AGBL1: variants seen among roughly 807,000 people sequenced by gnomAD.
AGBL1 encodes AGBL carboxypeptidase 1.
Under a neutral mutation model 118.9 loss-of-function variants are expected in AGBL1, and 130 were observed. That is an observed-to-expected ratio of 1.09 (90% CI 0.95 to 1.26). AGBL1 has a LOEUF of 1.26. Ranked by LOEUF, AGBL1 falls within the 50% of genes most tolerant of loss-of-function variation. The pLI is 0.00. For missense variants in AGBL1, 1,584 were observed against 1,298.1 expected, an observed-to-expected ratio of 1.22 and a Z score of -3.38; for synonymous variants, 555 against 478.9, an observed-to-expected ratio of 1.16 and a Z score of -2.08.
At chr15:86,165,305 T>C (rs2077324757) in intron 5 of AGBL1, among the ~76,000 whole-genome samples, 1 of 152,184 alleles carries the variant, frequency 6.6e-6, no homozygotes, top group Non-Finnish European at 1.5e-5. Flanking sequence ...CATTGCTTTA[T>C]TGGCAGCCCT....
At chr15:86,546,656 T>TA (rs1288500229) in intron 20 of AGBL1, among the ~76,000 whole-genome samples, 1 of 152,192 alleles carries the variant, frequency 6.6e-6, no homozygotes, top group East Asian at 1.9e-4. Flanking sequence ...GAGAATTCTA[T>TA]AAAAAGCAGA....
chr15:86,629,476 T>A (rs2084933708), intron 21 of AGBL1, among the ~76,000 whole-genome samples: 1 of 152,304 alleles, frequency 6.6e-6, no homozygotes, highest in South Asian at 2.1e-4. Context: ...AGCTTTATCA[T>A]CTTGCTTATA....
chr15:86,907,525 G>A lies in AGBL1; in HGVS notation c.*231G>A, dbSNP rs573713540. ...TAGGTAGCCCTTGGGGCCTATGCAA[G>A]CTGCTATTGTACTTAGAATGGGACC... On this transcript the variant is annotated 3_prime_UTR_variant, in exon 23 of 23. Transcript: ENST00000614907. 1 of 152,250 alleles carries A rather than the reference G, an allele frequency of 6.6e-6. No homozygotes were observed. The highest frequency in any genetic ancestry group is 2.1e-4 in the South Asian group (1 of 4,816). 9.4% of individuals were successfully genotyped at this position (152,250 alleles called of 1,614,324 possible). A position where few individuals can be genotyped will look rare whatever the true frequency, so the allele number is the denominator to read the frequency against.
chr15:86,294,549 C>T (rs777565884), intron 16 of AGBL1, among the ~76,000 whole-genome samples: 1 of 151,262 alleles, frequency 6.6e-6, no homozygotes, highest in African/African-American at 2.4e-5. Flanking sequence ...GCTTAGCAGT[C>T]CCCCTGGATT....
At chr15:86,407,357 C>G (rs2081544151) in intron 18 of AGBL1, among the ~76,000 whole-genome samples, 1 of 152,138 alleles carries the variant, frequency 6.6e-6, no homozygotes, top group Non-Finnish European at 1.5e-5. Flanking sequence ...GTTCTTTTCA[C>G]TAGGGTTATA....
chr15:86,145,873 G>A (rs140637509), intron 3 of AGBL1, among the ~76,000 whole-genome samples: 3 of 152,296 alleles, frequency 2.0e-5, no homozygotes, highest in Non-Finnish European at 2.9e-5. Context: ...ACTATGATGA[G>A]GGCTGTAAGA....
At chr15:86,605,501 T>C (rs1205662926) in intron 21 of AGBL1, among the ~76,000 whole-genome samples, 1 of 152,002 alleles carries the variant, frequency 6.6e-6, no homozygotes, top group Non-Finnish European at 1.5e-5. Context: ...TTGAGGGAAA[T>C]TGGTATGGAG....
chr15:86,553,887 G>C (rs2083696258), intron 20 of AGBL1, among the ~76,000 whole-genome samples: 1 of 150,328 alleles, frequency 6.7e-6, no homozygotes, highest in Non-Finnish European at 1.5e-5. Context: ...TTGATATGCT[G>C]TCTCACTCTG....
At chr15:86,987,688 C>G (rs1175163879) in intron 23 of AGBL1, among the ~76,000 whole-genome samples, 1 of 151,938 alleles carries the variant, frequency 6.6e-6, no homozygotes, top group Admixed American at 6.6e-5. Context: ...ATCGTGTTTC[C>G]TTTCCTTTAT....
intron 22 of AGBL1, among the ~76,000 whole-genome samples, chr15:86,677,179 T>G (rs75328809): frequency 2.0e-5 from 3 of 152,150 alleles, no homozygotes; most frequent in Non-Finnish European, 2.9e-5. Context: ...TCATTTACCA[T>G]AAAAACAATT....
At chr15:86,749,485 A>G (rs923732657) in intron 22 of AGBL1, among the ~76,000 whole-genome samples, 2 of 151,934 alleles carry the variant, frequency 1.3e-5, no homozygotes, top group Admixed American at 6.6e-5. Context: ...CTCTTTTCCT[A>G]ATTGAATACC....
At chr15:86,334,581 G>T (rs2080328919) in intron 17 of AGBL1, among the ~76,000 whole-genome samples, 1 of 152,100 alleles carries the variant, frequency 6.6e-6, no homozygotes, top group South Asian at 2.1e-4. Context: ...TGGCCATACT[G>T]CCTAAAGCAA....
chr15:86,486,761 CCT>C (rs2082717396), intron 18 of AGBL1, among the ~76,000 whole-genome samples: 1 of 151,934 alleles, frequency 6.6e-6, no homozygotes, highest in Non-Finnish European at 1.5e-5. Flanking sequence ...TCAAATCCTC[CCT>C]CTCTCTTTTT....
At chr15:86,916,678 C>T (rs144544393), downstream of AGBL1, among the ~76,000 whole-genome samples, 924 of 152,300 alleles carry the variant, frequency 6.1e-3, 38 homozygotes, top group Admixed American at 0.051. Context: ...TCAGTTTCTC[C>T]ATTGGAGGGT....
intron 24 of AGBL1, among the ~76,000 whole-genome samples, chr15:87,016,439 G>A (rs1016858119): frequency 1.3e-5 from 2 of 152,162 alleles, no homozygotes; most frequent in African/African-American, 4.8e-5. Context: ...GAGAAGAGGT[G>A]CAAAGATGTT....
chr15:86,678,803 A>G (rs924194501), intron 22 of AGBL1, among the ~76,000 whole-genome samples: 2 of 152,092 alleles, frequency 1.3e-5, no homozygotes, highest in Non-Finnish European at 2.9e-5. Context: ...TACATATTAT[A>G]ATTTATTTTC....
chr15:86,960,864 T>C (rs1254317353), intron 23 of AGBL1, among the ~76,000 whole-genome samples: 2 of 152,104 alleles, frequency 1.3e-5, no homozygotes, highest in African/African-American at 2.4e-5. Flanking sequence ...ATCTCACTTA[T>C]ATGTAGAACC....
chr15:86,695,141 T>C (rs982379716), intron 22 of AGBL1, among the ~76,000 whole-genome samples: 1 of 152,066 alleles, frequency 6.6e-6, no homozygotes, highest in African/African-American at 2.4e-5. Flanking sequence ...TCTTTCTCTA[T>C]GTTGTGGAAT....
downstream of AGBL1, among the ~76,000 whole-genome samples, chr15:86,916,327 T>A (rs1033824456): frequency 1.3e-5 from 2 of 152,044 alleles, no homozygotes; most frequent in African/African-American, 4.8e-5. Flanking sequence ...TCACAGCAAT[T>A]TTTTTTTAAA....
Sources: allele counts gnomAD v4.1 joint callset (sites outside exome capture counted in the v4.1 genomes callset), GRCh38; gene constraint gnomAD v4.1.1; transcripts MANE v1.5; gene names NCBI Gene and HGNC (gene_info 2026-07-23, HGNC 2026-07-21).